The following RGS3 variants were observed in gnomAD, a reference collection of about 807,000 sequenced individuals.
RGS3 encodes regulator of G protein signaling 3.
In RGS3, 80 loss-of-function variants were observed where a neutral mutation model predicts 132.6. The ratio of observed to expected loss-of-function variants is 0.60; its 90% CI spans 0.50 to 0.73. The LOEUF is 0.73. RGS3 is among the 30% of genes least tolerant of loss of function. RGS3 has a pLI of 0.00. For synonymous variants in RGS3, 598 were observed against 620.6 expected (o/e 0.96, Z 0.54); for missense variants, 1,382 against 1,530.8 (o/e 0.90, Z 1.62).
intron 19 of RGS3, among the ~76,000 whole-genome samples, chr9:113,574,202 C>T (rs1374710968): frequency 6.6e-6 from 1 of 152,222 alleles, no homozygotes; most frequent in Non-Finnish European, 1.5e-5. Flanking sequence ...CTCTGCAGCG[C>T]TAAGTAAACA....
At chr9:113,516,775 T>C (rs1831691032) in intron 15 of RGS3, among the ~76,000 whole-genome samples, 1 of 151,730 alleles carries the variant, frequency 6.6e-6, no homozygotes, top group African/African-American at 2.4e-5. Flanking sequence ...CAGCTCACTG[T>C]AACCTCAAGC....
intron 19 of RGS3, among the ~76,000 whole-genome samples, chr9:113,575,120 C>T (rs759378953): frequency 1.3e-5 from 2 of 152,160 alleles, no homozygotes; most frequent in Non-Finnish European, 2.9e-5. Flanking sequence ...GAGCCGCCTC[C>T]CCGCCCTGGG....
At chr9:113,581,032 C>A (rs1391314818) in intron 19 of RGS3, 1 of 67,532 alleles carries the variant, frequency 1.5e-5, no homozygotes, top group Non-Finnish European at 2.8e-5. Flanking sequence ...GGGGGTGGGT[C>A]GGGGGGAGGT....
chr9:113,463,658 GGCCGGGCGC>G lies in RGS3; in HGVS notation c.415+1461_415+1469del, dbSNP rs1406209313. 1 of 1,378,482 alleles carries G rather than the reference GGCCGGGCGC, an allele frequency of 7.3e-7. No individual in the cohort carries two copies. Among genetic ancestry groups the G allele is most frequent in the East Asian group, 3.0e-5 (1 of 33,602 alleles). 85.4% of individuals were successfully genotyped at this position (1,378,482 alleles called of 1,614,324 possible). On this transcript the variant is annotated intron_variant, in intron 3 of 24. Coordinates refer to ENST00000350696, the Ensembl canonical transcript of RGS3. The surrounding 1 kb of genome is among the most constrained non-coding windows in gnomAD (Gnocchi z 4.6). ...ATTCAAACCCGCGCGGGCCAATCAG[GGCCGGGCGC>G]GCCCTGGCCGTTCCAACGCTTGGGG...
intron 3 of RGS3, among the ~76,000 whole-genome samples, chr9:113,471,370 A>G (rs1829825076): frequency 1.3e-5 from 2 of 152,112 alleles, no homozygotes. Flanking sequence ...CCAGGAGGAA[A>G]TTAGCCCAGA....
At chr9:113,447,323 G>GTGTATATATATATATATATA (rs1829126189) in intron 1 of RGS3, among the ~76,000 whole-genome samples, 4 of 29,416 alleles carry the variant, frequency 1.4e-4, no homozygotes, top group Non-Finnish European at 2.7e-4. Flanking sequence ...TCTGATGTAT[G>GTGTATATATATATATATATA]TATATGTATA....
chr9:113,585,360 T>C (rs1332222074), intron 20 of RGS3, among the ~76,000 whole-genome samples: 1 of 152,250 alleles, frequency 6.6e-6, no homozygotes, highest in African/African-American at 2.4e-5. Context: ...TGGTTGAGGA[T>C]GAATGGAAGA....
At chr9:113,568,459 T>G (rs1834106629) in intron 19 of RGS3, among the ~76,000 whole-genome samples, 1 of 152,250 alleles carries the variant, frequency 6.6e-6, no homozygotes, top group Non-Finnish European at 1.5e-5. Context: ...TTGTAGCAAC[T>G]AGGGACTGGA....
chr9:113,450,753 G>A (rs1829221778), intron 1 of RGS3, among the ~76,000 whole-genome samples: 1 of 152,186 alleles, frequency 6.6e-6, no homozygotes, highest in Non-Finnish European at 1.5e-5. Flanking sequence ...AAACAGAAGA[G>A]TTGTCAGAGA....
rs556759248 is a variant in RGS3, at chr9:113,597,139, A to G, written c.*186A>G. The G allele has an allele frequency of 1.7e-5, 10 of 582,026 alleles. No homozygotes were observed. In the South Asian group the frequency reaches 1.8e-4, roughly 10 times the overall value. The allele number at this position is 582,026 out of a possible 1,614,324, so 36.1% of individuals were successfully genotyped here. On this transcript the variant is annotated 3_prime_UTR_variant, in exon 25 of 25. Transcript: ENST00000350696. ...CCCAGGCTACTGGAGGAGTAGAAGG[A>G]TGGGCCCCGTGGGGTCCCCACTGCC...
chr9:113,495,263 T>C (rs1026573741), intron 7 of RGS3, among the ~76,000 whole-genome samples: 18 of 152,236 alleles, frequency 1.2e-4, no homozygotes, highest in African/African-American at 3.9e-4. Flanking sequence ...CATGCCTACC[T>C]GCCCTGCTGG....
chr9:113,446,518 T>C (rs1405079496), intron 1 of RGS3, among the ~76,000 whole-genome samples: 4 of 152,218 alleles, frequency 2.6e-5, no homozygotes, highest in African/African-American at 7.2e-5. Context: ...CTGAGGCCAG[T>C]GTCCCCACAA....
chr9:113,519,230 A>G (rs572836180), intron 16 of RGS3, among the ~76,000 whole-genome samples: 6 of 152,186 alleles, frequency 3.9e-5, no homozygotes, highest in African/African-American at 1.4e-4. Context: ...TGGCTCAGTG[A>G]TGCTTTCCAT....
Position 113,591,858 on chromosome 9 carries a change from G to A in RGS3, c.3080+461G>A, listed in dbSNP as rs904814579. The A allele has an allele frequency of 2.3e-5, 4 of 170,918 alleles. No homozygotes were observed. The highest frequency in any genetic ancestry group is 1.1e-4 in the Admixed American group (2 of 18,022). The allele number at this position is 170,918 out of a possible 1,614,324, so 10.6% of individuals were successfully genotyped here. A position where few individuals can be genotyped will look rare whatever the true frequency, so the allele number is the denominator to read the frequency against. ...AGGGGGCGCTGCTGGCCCAGCTGCCGAATCCCGCACTCGCCAAGCCTTTCT... is the reference window on the plus strand; with the variant it reads ...AGGGGGCGCTGCTGGCCCAGCTGCCAAATCCCGCACTCGCCAAGCCTTTCT... On this transcript the variant is annotated intron_variant, in intron 21 of 24. Coordinates refer to ENST00000350696, the Ensembl canonical transcript of RGS3. The surrounding 1 kb of genome is among the most constrained non-coding windows in gnomAD (Gnocchi z 4.4).
At chr9:113,569,927 TC>T (rs201167274) in intron 19 of RGS3, among the ~76,000 whole-genome samples, 2,304 of 152,230 alleles carry the variant, frequency 0.015, 66 homozygotes, top group African/African-American at 0.053. Flanking sequence ...CAGGTCTCCA[TC>T]CCAGTCTATC....
chr9:113,559,505 C>T (rs570273873), intron 19 of RGS3, among the ~76,000 whole-genome samples: 2 of 152,322 alleles, frequency 1.3e-5, no homozygotes, highest in African/African-American at 4.8e-5. Flanking sequence ...GCTTTTGCTG[C>T]GTGTGGGCTT....
At chr9:113,447,291 G>A (rs1432774440) in intron 1 of RGS3, among the ~76,000 whole-genome samples, 1 of 107,856 alleles carries the variant, frequency 9.3e-6, no homozygotes, top group Non-Finnish European at 1.9e-5. Flanking sequence ...GAAAAATACA[G>A]GGAGGGTGTA....
chr9:113,469,104 C>G (rs1232389741), intron 3 of RGS3, among the ~76,000 whole-genome samples: 1 of 148,380 alleles, frequency 6.7e-6, no homozygotes, highest in Non-Finnish European at 1.5e-5. Flanking sequence ...TAGCTGGGGC[C>G]TGTTTCACTC....
At chr9:113,571,838 T>C (rs1834304853) in intron 19 of RGS3, among the ~76,000 whole-genome samples, 1 of 152,252 alleles carries the variant, frequency 6.6e-6, no homozygotes, top group Admixed American at 6.5e-5. Context: ...GTTTTATGTT[T>C]CATATTTAGA....
Sources: allele counts gnomAD v4.1 joint callset (sites outside exome capture counted in the v4.1 genomes callset), GRCh38; gene constraint gnomAD v4.1.1; non-coding constraint Gnocchi (gnomAD v3.1); transcripts MANE v1.5; gene names NCBI Gene and HGNC (gene_info 2026-07-23, HGNC 2026-07-21).